FNTB: variants seen among roughly 807,000 people sequenced by gnomAD.
FNTB encodes farnesyltransferase, CAAX box, subunit beta.
FNTB carries 27 observed loss-of-function variants against 59.4 expected under a neutral mutation model. The ratio of observed to expected loss-of-function variants is 0.45; its 90% CI spans 0.34 to 0.63. The LOEUF (loss-of-function observed/expected upper bound fraction) is 0.63, where lower values mean the gene tolerates loss of function less well. Ranked by LOEUF, FNTB falls within the 20% of genes least tolerant of loss-of-function variation. The pLI is 0.02. For synonymous variants in FNTB, 230 were observed against 220.7 expected (o/e 1.04, Z -0.37); for missense variants, 449 against 559.6 (o/e 0.80, Z 1.99).
chr14:65,019,402 G>A (rs1410882503), intron 4 of FNTB, among the ~76,000 whole-genome samples: 1 of 151,780 alleles, frequency 6.6e-6, no homozygotes, highest in Non-Finnish European at 1.5e-5. Context: ...CAGGAGAATT[G>A]CTTGAATCCG....
At chr14:65,046,441 C>T (rs925834860) in intron 9 of FNTB, among the ~76,000 whole-genome samples, 55 of 152,226 alleles carry the variant, frequency 3.6e-4, no homozygotes, top group African/African-American at 1.2e-3. Flanking sequence ...TGAGCTATAA[C>T]AGGAGCACCA....
At chr14:65,048,393 G>T (rs973909724) in intron 9 of FNTB, among the ~76,000 whole-genome samples, 11 of 151,542 alleles carry the variant, frequency 7.3e-5, no homozygotes, top group African/African-American at 2.7e-4. Context: ...TTTTTAAAAG[G>T]CATTGATCAT....
intron 1 of FNTB, among the ~76,000 whole-genome samples, chr14:64,999,687 C>A (rs79100287): frequency 0.013 from 1,970 of 152,040 alleles, 20 homozygotes; most frequent in African/African-American, 0.029. Context: ...CTCCATGGGA[C>A]CTGTTAAGAA....
chr14:65,016,906 G>T (rs947241306), intron 4 of FNTB, among the ~76,000 whole-genome samples: 1 of 147,514 alleles, frequency 6.8e-6, no homozygotes, highest in Non-Finnish European at 1.5e-5. Context: ...AATTGTCAAA[G>T]AAAGGCCCAC....
intron 4 of FNTB, chr14:65,022,266 G>A (rs1190217806): frequency 3.2e-6 from 1 of 317,280 alleles, no homozygotes; most frequent in South Asian, 2.5e-5. Flanking sequence ...TATTTCCAAA[G>A]CTGTAATCTT....
At position 65,012,672 on chromosome 14, in the gene FNTB, T is replaced by C. The variant is rs1441308466; in HGVS notation, c.282+283T>C. On this transcript the variant is annotated intron_variant, in intron 3 of 11. Coordinates refer to ENST00000246166, the MANE Select transcript of FNTB (RefSeq NM_002028.4). This position sits in a 1 kb window ranked among gnomAD's most constrained non-coding sequence, Gnocchi z 5.0. ...GTTCACGTGCTTTATCTAGACCTCC[T>C]TGACAGCTGGCTAAATGCCAGTTAC... is the stretch of plus-strand genomic sequence containing the variant. 6.6e-6 allele frequency among the ~76,000 whole-genome samples: 1 copy of C among 152,234 alleles called. No individual in the cohort carries two copies. Among genetic ancestry groups the C allele is most frequent in the Non-Finnish European group, 1.5e-5 (1 of 68,038 alleles).
At chr14:64,992,692 C>T (rs1486492471) in intron 1 of FNTB, among the ~76,000 whole-genome samples, 1 of 152,096 alleles carries the variant, frequency 6.6e-6, no homozygotes, top group Middle Eastern at 3.2e-3. Flanking sequence ...AATCACCACT[C>T]ACTGTAGCCT....
intron 2 of FNTB, chr14:65,006,327 T>C: frequency 1.2e-6 from 2 of 1,608,794 alleles, no homozygotes; most frequent in South Asian, 1.1e-5. Context: ...ACTAGTATAG[T>C]CTTTCCCTTA....
rs149659668 is a variant in FNTB at position 65,041,348 on chromosome 14, G to A, written c.822+429G>A. Among the ~76,000 whole-genome samples, 288 of 152,306 alleles carry A rather than the reference G, an allele frequency of 1.9e-3. 1 individual carries two copies. The highest frequency in any genetic ancestry group is 3.4e-3 in the Middle Eastern group (1 of 294). On this transcript the variant is annotated intron_variant, in intron 8 of 11. Coordinates refer to ENST00000246166, the MANE Select transcript of FNTB (RefSeq NM_002028.4). ...TACATTTAAATGAGTTGTTTAGGCAGAGCTGGCTAATTGCATTGAGAAGGC... is the reference window on the plus strand; with the variant it reads ...TACATTTAAATGAGTTGTTTAGGCAAAGCTGGCTAATTGCATTGAGAAGGC...
At chr14:64,998,033 G>A (rs754721443) in intron 1 of FNTB, among the ~76,000 whole-genome samples, 1 of 152,166 alleles carries the variant, frequency 6.6e-6, no homozygotes, top group Non-Finnish European at 1.5e-5. Flanking sequence ...CTGGTCTCCT[G>A]CACATTCAAA....
In FNTB at chr14:65,054,529, T is replaced by C; in HGVS notation, c.1068-46T>C. 1 of 1,567,452 alleles carries C rather than the reference T, an allele frequency of 6.4e-7. No individual in the cohort carries two copies. Among genetic ancestry groups the C allele is most frequent in the Non-Finnish European group, 8.7e-7 (1 of 1,150,468 alleles). On this transcript the variant is annotated intron_variant, in intron 10 of 11. Coordinates refer to ENST00000246166, the MANE Select transcript of FNTB (RefSeq NM_002028.4). This position sits in a 1 kb window ranked among gnomAD's most constrained non-coding sequence, Gnocchi z 4.4. ...ATTGGTGTGGCTACATTTGTAGATG[T>C]GTGCGGAGCAGAGGAGCGCCTGCTC...
In FNTB at chr14:65,023,468, C is replaced by G. The variant is rs1167775592; in HGVS notation, c.375-3985C>G. 1.3e-5 allele frequency among the ~76,000 whole-genome samples: 2 copies of G among 152,186 alleles called. No individual in the cohort carries two copies. The highest frequency in any genetic ancestry group is 2.9e-5 in the Non-Finnish European group (2 of 68,036). Reference sequence around the variant, plus strand: ...CCCTGCTTTGAACTTGACCCTCTTACAAGATTTACATACTCTTTAATGATG... The same window carrying G: ...CCCTGCTTTGAACTTGACCCTCTTAGAAGATTTACATACTCTTTAATGATG... On this transcript the variant is annotated intron_variant, in intron 4 of 11. Coordinates refer to ENST00000246166, the MANE Select transcript of FNTB (RefSeq NM_002028.4). This position sits in a 1 kb window ranked among gnomAD's most constrained non-coding sequence, Gnocchi z 4.1.
chr14:65,016,238 C>T (rs974869658), intron 4 of FNTB, among the ~76,000 whole-genome samples: 3 of 152,156 alleles, frequency 2.0e-5, no homozygotes, highest in Admixed American at 6.5e-5. Context: ...TAAACCTGAT[C>T]GATGATTAGA....
At chr14:65,052,084 C>T (rs564572134) in intron 9 of FNTB, among the ~76,000 whole-genome samples, 3 of 152,068 alleles carry the variant, frequency 2.0e-5, no homozygotes, top group Non-Finnish European at 2.9e-5. Context: ...CATAAGCCAT[C>T]GTGCCTGGCC....
intron 4 of FNTB, among the ~76,000 whole-genome samples, chr14:65,020,729 C>T (rs894938362): frequency 2.9e-5 from 4 of 135,620 alleles, no homozygotes; most frequent in East Asian, 2.0e-4. Context: ...CCACCGCGCC[C>T]GGCCTTTTTT....
chr14:65,053,518 GCCATTGAT>G (rs1555337898), intron 10 of FNTB, among the ~76,000 whole-genome samples, 169 bp downstream of exon 10: 1 of 151,832 alleles, frequency 6.6e-6, no homozygotes, highest in Non-Finnish European at 1.5e-5. Context: ...ACCCCTTGAG[GCCATTGAT>G]CTTGGCACCT....
rs2062044481 is a variant in FNTB at position 65,029,735 on chromosome 14, A to C, written c.605+1954A>C. 6.6e-6 allele frequency among the ~76,000 whole-genome samples: 1 copy of C among 152,148 alleles called. No individual in the cohort carries two copies. Among genetic ancestry groups the C allele is most frequent in the South Asian group, 2.1e-4 (1 of 4,826 alleles). On this transcript the variant is annotated intron_variant, in intron 6 of 11. Transcript: ENST00000246166. The surrounding 1 kb of genome is among the most constrained non-coding windows in gnomAD (Gnocchi z 4.7). ...GGCCTGGTGGGCAGGGGAGCAGTGG[A>C]GCTGGAGGGACAGGCTGGGAACAGG...
Position 65,009,639 on chromosome 14 carries a change from C to T in FNTB, c.210-2678C>T, listed in dbSNP as rs566360145. On this transcript the variant is annotated intron_variant, in intron 2 of 11. Coordinates refer to ENST00000246166, the MANE Select transcript of FNTB (RefSeq NM_002028.4). The surrounding 1 kb of genome is among the most constrained non-coding windows in gnomAD (Gnocchi z 4.2). The stretch of plus-strand genomic sequence containing the variant: ...CTCCTCCATCCTCTTTACAGACCTT[C>T]CCTATGGATTTCCTCTGAGCTTTTG... 4.6e-5 allele frequency among the ~76,000 whole-genome samples: 7 copies of T among 152,314 alleles called. No homozygotes were observed. Among genetic ancestry groups the T allele is most frequent in the African/African-American group, 1.7e-4 (7 of 41,558 alleles).
Position 65,027,927 on chromosome 14 carries a change from A to T in FNTB, c.605+146A>T. 2.0e-6 allele frequency: 2 copies of T among 1,003,746 alleles called. No homozygotes were observed. Among genetic ancestry groups the T allele is most frequent in the Non-Finnish European group, 3.0e-6 (2 of 675,720 alleles). The allele number at this position is 1,003,746 out of a possible 1,614,324, so 62.2% of individuals were successfully genotyped here. On this transcript the variant is annotated intron_variant, in intron 6 of 11. Transcript: ENST00000246166. This position sits in a 1 kb window ranked among gnomAD's most constrained non-coding sequence, Gnocchi z 5.7. ...GGATGACATGTCAGTGACACGTCAG[A>T]ATCATTCAGATGTGATGCAGATGTC...
Sources: allele counts gnomAD v4.1 joint callset (sites outside exome capture counted in the v4.1 genomes callset), GRCh38; gene constraint gnomAD v4.1.1; non-coding constraint Gnocchi (gnomAD v3.1); transcripts MANE v1.5; gene names NCBI Gene and HGNC (gene_info 2026-07-23, HGNC 2026-07-21).